Variants in ATF5 observed in about 807,000 individuals in gnomAD.
ATF5 encodes cyclic AMP-dependent transcription factor ATF-5.
ATF5 carries 6 observed loss-of-function variants against 4.6 expected under a neutral mutation model. That is an observed-to-expected ratio of 1.31 (90% confidence interval 0.72 to 2.59). ATF5 has a LOEUF of 2.59. ATF5 is among the 30% of genes most tolerant of loss of function. The pLI, the probability that ATF5 is intolerant of heterozygous loss-of-function variation, is 0.00. For missense variants in ATF5, 410 were observed against 368.7 expected (o/e 1.11, Z -0.92); for synonymous variants, 193 against 165.0 (o/e 1.17, Z -1.30).
Position 49,932,661 on chromosome 19 carries a change from T to G in ATF5, c.418T>G (p.Ser140Ala). Reference protein sequence around the residue: ...LPPPPLPPAPSLPLSLPSFDL... With the variant: ...LPPPPLPPAPALPLSLPSFDL... ...ACCACCACCACTACCACCAGCCCCC[T>G]CCCTCCCCCTGTCCCTCCCCTCCTT... Residue 140 changes from serine (S) to alanine (A), a missense_variant, in exon 3 of 3, where the codon TCC becomes GCC. Coordinates refer to ENST00000423777, the MANE Select transcript of ATF5 (RefSeq NM_001193646.2). 4.0e-6 allele frequency: 3 copies of G among 756,776 alleles called. No individual in the cohort carries two copies. The highest frequency in any genetic ancestry group is 5.0e-6 in the Non-Finnish European group (3 of 597,354). 46.9% of individuals were successfully genotyped at this position (756,776 alleles called of 1,614,324 possible).
At chr19:49,931,899 A>G (rs1241908513) in intron 2 of ATF5, among the ~76,000 whole-genome samples, 1 of 151,702 alleles carries the variant, frequency 6.6e-6, no homozygotes, top group African/African-American at 2.4e-5. Context: ...TAGAGACACC[A>G]CAGATACAGA....
In ATF5 at chr19:49,933,067, G is replaced by A. The variant is rs142841374; in HGVS notation, c.824G>A (p.Arg275Gln). 8.4e-5 allele frequency: 134 copies of A among 1,598,100 alleles called. No homozygotes were observed. Among genetic ancestry groups the A allele is most frequent in the South Asian group, 1.7e-4 (15 of 89,908 alleles). The change falls in exon 3 of 3, where the codon CGG (arginine) becomes CAG (glutamine). Residue 275 changes from arginine to glutamine, a missense_variant. Physicochemically the swap from Arg to Gln is conservative, Grantham distance 43 (BLOSUM62 1). Transcript: ENST00000423777. ...CTGCTCATCGAGGTTTACAAGGCCCGGAGCCAGAGGACCCGTAGCTGCTAG... is the reference window on the plus strand; with the variant it reads ...CTGCTCATCGAGGTTTACAAGGCCCAGAGCCAGAGGACCCGTAGCTGCTAG... ...KDLLIEVYKARSQRTRSC is the reference protein window; with the variant it reads ...KDLLIEVYKAQSQRTRSC
rs2076002237 is a variant in ATF5, at chr19:49,929,249, C to A, written c.-271C>A. On this transcript the variant is annotated 5_prime_UTR_variant, in exon 1 of 3. Coordinates refer to ENST00000423777, the MANE Select transcript of ATF5 (RefSeq NM_001193646.2). ...CAGTCTCTTCTCACTACAGTGTCGCCGCCTCTGCCTGCGTAGCCCCGGCCA... is the reference window on the plus strand; with the variant it reads ...CAGTCTCTTCTCACTACAGTGTCGCAGCCTCTGCCTGCGTAGCCCCGGCCA... The A allele has an allele frequency of 6.5e-6, 1 of 153,566 alleles. No individual in the cohort carries two copies. Among genetic ancestry groups the A allele is most frequent in the African/African-American group, 2.4e-5 (1 of 41,460 alleles). 9.5% of individuals were successfully genotyped at this position (153,566 alleles called of 1,614,324 possible). A position where few individuals can be genotyped will look rare whatever the true frequency, so the allele number is the denominator to read the frequency against.
At position 49,930,997 on chromosome 19, in the gene ATF5, C is replaced by T. The variant is rs1054070695; in HGVS notation, c.147C>T (p.Gly49=). 1.4e-5 allele frequency: 22 copies of T among 1,562,890 alleles called. No individual in the cohort carries two copies. The highest frequency in any genetic ancestry group is 1.1e-4 in the African/African-American group (8 of 73,924). Residue 49 remains glycine (G), a synonymous_variant, in exon 2 of 3, where the codon GGC becomes GGT. Coordinates refer to ENST00000423777, the MANE Select transcript of ATF5 (RefSeq NM_001193646.2). ...AGGTCCTTGGGGGAGCCCTGGAGGG[C>T]GGGCTTCCAGTGGGGGGAGAGCCCC... ...PYEVLGGALE[G]GLPVGGEPLA...
At chr19:49,931,454 C>T (rs959695774) in intron 2 of ATF5, among the ~76,000 whole-genome samples, 6 of 151,844 alleles carry the variant, frequency 4.0e-5, no homozygotes, top group South Asian at 2.1e-4. Context: ...GAGTTCAGGA[C>T]GTGGGCAACA....
At position 49,933,185 on chromosome 19, in the gene ATF5, G is replaced by A. The variant is rs1452959179; in HGVS notation, c.*93G>A. On this transcript the variant is annotated 3_prime_UTR_variant, in exon 3 of 3. Coordinates refer to ENST00000423777, the MANE Select transcript of ATF5 (RefSeq NM_001193646.2). Reference sequence around the variant, plus strand: ...TTCATTCCAAACCCCTCTCGGCCGGGTGCAGTGGCTTATGCTTGTAATCCC... The same window carrying A: ...TTCATTCCAAACCCCTCTCGGCCGGATGCAGTGGCTTATGCTTGTAATCCC... 1.5e-6 allele frequency: 2 copies of A among 1,339,144 alleles called. No homozygotes were observed. Among genetic ancestry groups the A allele is most frequent in the Admixed American group, 2.8e-5 (1 of 35,518 alleles). 83.0% of individuals were successfully genotyped at this position (1,339,144 alleles called of 1,614,324 possible). A position where few individuals can be genotyped will look rare whatever the true frequency, so the allele number is the denominator to read the frequency against.
chr19:49,932,755 G>A lies in ATF5; in HGVS notation c.512G>A (p.Gly171Glu). The change falls in exon 3 of 3, where the codon GGG (glycine) becomes GAG (glutamate). Residue 171 changes from glycine (G) to glutamate (E), a missense_variant. Transcript: ENST00000423777. ...LLAIYCRNEA[G>E]QEEVGMPPLP... ...GCCATCTACTGCCGCAACGAGGCCG[G>A]GCAGGAGGAAGTGGGGATGCCGCCT... 1 of 1,609,308 alleles carries A rather than the reference G, an allele frequency of 6.2e-7. No individual in the cohort carries two copies. The highest frequency in any genetic ancestry group is 1.7e-5 in the Admixed American group (1 of 59,506).
rs754317786 is a variant in ATF5, at chr19:49,932,926, G to A, written c.683G>A (p.Arg228Gln). The A allele has an allele frequency of 1.1e-5, 17 of 1,613,794 alleles. No individual in the cohort carries two copies. The highest frequency in any genetic ancestry group is 2.2e-5 in the East Asian group (1 of 44,872). ...NKSAALRYRQRKRAEGEALEG... is the reference protein window; with the variant it reads ...NKSAALRYRQQKRAEGEALEG... ...TCGGCGGCTCTGAGGTACCGCCAGC[G>A]GAAGCGGGCAGAGGGTGAGGCCCTG... Residue 228 changes from arginine (R) to glutamine (Q), a missense_variant, in exon 3 of 3, where the codon CGG (arginine) becomes CAG (glutamine). By Grantham distance (43) the Arg-to-Gln change is conservative (BLOSUM62 1). Coordinates refer to ENST00000423777, the MANE Select transcript of ATF5 (RefSeq NM_001193646.2).
chr19:49,932,007 A>C (rs1568733956), intron 2 of ATF5, among the ~76,000 whole-genome samples: 2 of 148,458 alleles, frequency 1.3e-5, no homozygotes, highest in African/African-American at 5.0e-5. Flanking sequence ...TTCTTTTTTA[A>C]TTTTTTTTTT....
chr19:49,931,399 C>T (rs2076061482), intron 2 of ATF5, among the ~76,000 whole-genome samples: 1 of 152,120 alleles, frequency 6.6e-6, no homozygotes, highest in South Asian at 2.1e-4. Context: ...GGCCTGTAAT[C>T]CCAGCACTTT....
chr19:49,930,141 A>G (rs1190680097), intron 1 of ATF5: 1 of 151,662 alleles, frequency 6.6e-6, no homozygotes, highest in Non-Finnish European at 1.5e-5. Context: ...TCGATGTGAC[A>G]AAGAGGCGGG....
chr19:49,933,761 G>C lies in ATF5; in HGVS notation c.*669G>C, dbSNP rs1257681724. The C allele has an allele frequency of 6.5e-6, 1 of 153,502 alleles. No homozygotes were observed. The highest frequency in any genetic ancestry group is 1.9e-4 in the East Asian group (1 of 5,198). The allele number at this position is 153,502 out of a possible 1,614,324, so 9.5% of individuals were successfully genotyped here. A position where few individuals can be genotyped will look rare whatever the true frequency, so the allele number is the denominator to read the frequency against. On this transcript the variant is annotated 3_prime_UTR_variant, in exon 3 of 3. Transcript: ENST00000423777. ...GTGCGGGAAGATGAGCAGGCCAGTG[G>C]GAGGAGGGGCAGGGCAGGGCTGTAG... is the stretch of plus-strand genomic sequence containing the variant.
In ATF5 at chr19:49,929,235, C is replaced by T. The variant is rs1211040647; in HGVS notation, c.-285C>T. ...CTGTCCTCGGATCACAGTCTCTTCT[C>T]ACTACAGTGTCGCCGCCTCTGCCTG... is the stretch of plus-strand genomic sequence containing the variant. On this transcript the variant is annotated 5_prime_UTR_variant, in exon 1 of 3. Transcript: ENST00000423777. 1 of 153,452 alleles carries T rather than the reference C, an allele frequency of 6.5e-6. No individual in the cohort carries two copies. Among genetic ancestry groups the T allele is most frequent in the Non-Finnish European group, 1.4e-5 (1 of 69,058 alleles). 9.5% of individuals were successfully genotyped at this position (153,452 alleles called of 1,614,324 possible). A position where few individuals can be genotyped will look rare whatever the true frequency, so the allele number is the denominator to read the frequency against.
Position 49,930,899 on chromosome 19 carries a change from C to T in ATF5, c.49C>T (p.Pro17Ser). The T allele has an allele frequency of 6.2e-7, 1 of 1,611,186 alleles. No individual in the cohort carries two copies. The highest frequency in any genetic ancestry group is 8.5e-7 in the Non-Finnish European group (1 of 1,178,592). The change falls in exon 2 of 3, where the codon CCA becomes TCA. Residue 17 changes from proline (P) to serine (S), a missense_variant. Pro to Ser is a moderately conservative substitution (Grantham distance 74, BLOSUM62 -1). Coordinates refer to ENST00000423777, the MANE Select transcript of ATF5 (RefSeq NM_001193646.2). ...GCTGGAGCTGGACAGGGCCCTGCTC[C>T]CAGCTAGTGGGCTGGGATGGCTCGT... is the stretch of plus-strand genomic sequence containing the variant. ...LGLELDRALL[P>S]ASGLGWLVDY...
At position 49,932,656 on chromosome 19, in the gene ATF5, C is replaced by T. The variant is rs1344693052; in HGVS notation, c.413C>T (p.Ala138Val). ...PPLPPPPLPP[A>V]PSLPLSLPSF... is the part of the protein sequence containing the mutation. ...CTACCACCACCACCACTACCACCAG[C>T]CCCCTCCCTCCCCCTGTCCCTCCCC... is the stretch of plus-strand genomic sequence containing the variant. The change falls in exon 3 of 3, where the codon GCC (alanine) becomes GTC (valine). Residue 138 changes from alanine to valine, a missense_variant. By Grantham distance (64) the Ala-to-Val change is moderately conservative. Coordinates refer to ENST00000423777, the MANE Select transcript of ATF5 (RefSeq NM_001193646.2). 7 of 1,494,518 alleles carry T rather than the reference C, an allele frequency of 4.7e-6. No individual in the cohort carries two copies. In the African/African-American group the frequency reaches 5.7e-5, roughly 12 times the overall value. 92.6% of individuals were successfully genotyped at this position (1,494,518 alleles called of 1,614,324 possible).
At position 49,932,638 on chromosome 19, in the gene ATF5, CACCACCACT is replaced by C. The variant is rs767085325; in HGVS notation, c.403_411del (p.Leu135_Pro137del). ...CCACCCTCCCCGCCGCCACTACCAC[CACCACCACT>C]ACCACCAGCCCCCTCCCTCCCCCTG... is the stretch of plus-strand genomic sequence containing the variant. On this transcript the variant is annotated inframe_deletion, in exon 3 of 3. Coordinates refer to ENST00000423777, the MANE Select transcript of ATF5 (RefSeq NM_001193646.2). The C allele has an allele frequency of 4.5e-6, 7 of 1,544,798 alleles. No individual in the cohort carries two copies. In the Admixed American group the frequency reaches 1.3e-4, roughly 30 times the overall value.
At chr19:49,930,287 G>A (rs1454381511) in intron 1 of ATF5, 1 of 152,022 alleles carries the variant, frequency 6.6e-6, no homozygotes, top group Non-Finnish European at 1.5e-5. Flanking sequence ...CAGTTCCCCT[G>A]GGAACTGGTT....
Position 49,932,492 on chromosome 19 carries a change from A to AACCCCCC in ATF5, c.249_250insACCCCCC (p.Pro84ThrfsTer16). On this transcript the variant is annotated frameshift_variant, in exon 3 of 3. Coordinates refer to ENST00000423777, the MANE Select transcript of ATF5 (RefSeq NM_001193646.2). LOFTEE classifies it low-confidence loss of function (END_TRUNC). ...CTCTCCTCCCTCTGGAGCCTCCCTT[A>AACCCCCC]CCCCCCGGCACCCTCCCCCAACCTT... 1.3e-6 allele frequency: 2 copies of AACCCCCC among 1,486,494 alleles called. No homozygotes were observed. The highest frequency in any genetic ancestry group is 1.8e-6 in the Non-Finnish European group (2 of 1,092,130). 92.1% of individuals were successfully genotyped at this position (1,486,494 alleles called of 1,614,324 possible). A position where few individuals can be genotyped will look rare whatever the true frequency, so the allele number is the denominator to read the frequency against.
intron 2 of ATF5, among the ~76,000 whole-genome samples, chr19:49,931,519 C>T (rs963943441): frequency 1.3e-5 from 2 of 152,048 alleles, no homozygotes; most frequent in African/African-American, 4.8e-5. Context: ...TGGTGGCTCA[C>T]GCTTGTAGTC....
Sources: allele counts gnomAD v4.1 joint callset (sites outside exome capture counted in the v4.1 genomes callset), GRCh38; gene constraint gnomAD v4.1.1; transcripts MANE v1.5; gene names NCBI Gene and HGNC (gene_info 2026-07-23, HGNC 2026-07-21).